Variants in ATAD2 observed in about 807,000 individuals in gnomAD.
ATAD2 encodes the protein ATPase family AAA domain containing 2, also known as ATPase family AAA domain-containing protein 2.
Under a neutral mutation model 168.9 loss-of-function variants are expected in ATAD2, and 62 were observed. The observed-to-expected ratio is 0.37, with a 90% CI of 0.30 to 0.45. The LOEUF (loss-of-function observed/expected upper bound fraction) is 0.45, where lower values mean the gene tolerates loss of function less well. ATAD2 is among the 20% of genes least tolerant of loss of function. The probability of loss-of-function intolerance (pLI) is 1.00; values close to 1 mark genes in which losing one functional copy is unlikely to be tolerated. For synonymous variants in ATAD2, 613 were observed against 571.6 expected (o/e 1.07, Z -1.03); for missense variants, 1,419 against 1,667.8 (o/e 0.85, Z 2.60).
At chr8:123,352,684 T>TA (rs1360947435) in intron 13 of ATAD2, 30 of 123,396 alleles carry the variant, frequency 2.4e-4, no homozygotes, top group Non-Finnish European at 6.6e-5. Context: ...AAATCATACC[T>TA]TTTTTTTTTT....
intron 1 of ATAD2, among the ~76,000 whole-genome samples, chr8:123,406,498 C>T (rs1049175975): frequency 1.3e-5 from 2 of 151,324 alleles, no homozygotes; most frequent in Non-Finnish European, 2.9e-5. Context: ...TTCCTTTATT[C>T]TCTCTTTATA....
In ATAD2 at chr8:123,328,576, T is replaced by G; in HGVS notation, c.3482A>C (p.Gln1161Pro). 6.6e-7 allele frequency: 1 copy of G among 1,518,686 alleles called. No homozygotes were observed. The highest frequency in any genetic ancestry group is 1.4e-5 in the South Asian group (1 of 73,464). The allele number at this position is 1,518,686 out of a possible 1,614,324, so 94.1% of individuals were successfully genotyped here. The change falls in exon 25 of 28, where the codon CAG becomes CCG. Residue 1161 changes from glutamine (Q) to proline (P), a missense_variant. Gln to Pro is a moderately conservative substitution (Grantham distance 76). Around this residue, in one of 5 missense-constraint regions of ATAD2, gnomAD observed 303 missense variants for 304.3 expected, o/e 1.00. Transcript: ENST00000287394. ...STPVACSTPAQLKRKIRKKSN... is the reference protein window; with the variant it reads ...STPVACSTPAPLKRKIRKKSN... ...CTTTTTGCGAATTTTCCTCTTCAAC[T>G]GAGCTTCAAGAAATTTAAAGAAAAA...
At chr8:123,386,678 G>T (rs150031636) in intron 1 of ATAD2, among the ~76,000 whole-genome samples, 1,715 of 151,732 alleles carry the variant, frequency 0.011, 32 homozygotes, top group African/African-American at 0.039. Context: ...TGTATATTTT[G>T]GTACATTAAA....
chr8:123,396,240 G>A lies in ATAD2; in HGVS notation c.118C>T (p.Arg40Cys), dbSNP rs1407585694. 3 of 1,606,272 alleles carry A rather than the reference G, an allele frequency of 1.9e-6. No individual in the cohort carries two copies. Among genetic ancestry groups the A allele is most frequent in the Non-Finnish European group, 1.7e-6 (2 of 1,178,446 alleles). Reference sequence around the variant, plus strand: ...TTCTTCTGCGCCGCGCCGGCCGAGCGGAGCCGCCTCCGGCCGATGTGCTCC... The same window carrying A: ...TTCTTCTGCGCCGCGCCGGCCGAGCAGAGCCGCCTCCGGCCGATGTGCTCC... Reference protein sequence around the residue: ...SLEHIGRRRLRSAGAAQKKPA... With the variant: ...SLEHIGRRRLCSAGAAQKKPA... Residue 40 changes from arginine (R) to cysteine (C), a missense_variant, in exon 1 of 28, where the codon CGC becomes TGC. This residue lies in a region of ATAD2 where 419 missense variants were observed against 423.5 expected (regional missense o/e 0.99). Coordinates refer to ENST00000287394, the MANE Select transcript of ATAD2 (RefSeq NM_014109.4).
intron 1 of ATAD2, among the ~76,000 whole-genome samples, chr8:123,388,358 C>G (rs1358689107): frequency 6.6e-6 from 1 of 152,154 alleles, no homozygotes; most frequent in African/African-American, 2.4e-5. Flanking sequence ...GCCACCACGC[C>G]TGGCTACTGA....
chr8:123,333,818 A>C (rs1827842968), intron 24 of ATAD2, 60 bp downstream of exon 24: 3 of 1,484,064 alleles, frequency 2.0e-6, no homozygotes, highest in Non-Finnish European at 2.7e-6. Context: ...GGAGAAAGTT[A>C]ATGGCATTAG....
At chr8:123,345,102 G>C (rs752893354) in intron 18 of ATAD2, 33 bp from the exon 19 acceptor site, 5 of 1,543,934 alleles carry the variant, frequency 3.2e-6, no homozygotes, top group Non-Finnish European at 2.6e-6. Context: ...AATTCAGTTA[G>C]AGTCAGCACG....
At chr8:123,368,991 C>CTA in intron 8 of ATAD2, 67 bp downstream of exon 8, 1 of 896,154 alleles carries the variant, frequency 1.1e-6, no homozygotes. Flanking sequence ...TCCTGAAAGT[C>CTA]TAGAGTCCAG....
chr8:123,413,146 G>C (rs991865788), intron 1 of ATAD2, among the ~76,000 whole-genome samples: 6 of 151,652 alleles, frequency 4.0e-5, no homozygotes, highest in African/African-American at 1.5e-4. Context: ...ATAACTGCCA[G>C]CTAGCAGACA....
chr8:123,359,306 T>C lies in ATAD2; in HGVS notation c.1297A>G (p.Asn433Asp), dbSNP rs200411614. 459 of 1,611,682 alleles carry C rather than the reference T, an allele frequency of 2.8e-4. 7 individuals carry two copies. The highest frequency in any genetic ancestry group is 3.6e-5 in the Non-Finnish European group (42 of 1,179,132). The change falls in exon 11 of 28, where the codon AAT becomes GAT. Residue 433 changes from asparagine (N) to aspartate (D), a missense_variant. This residue lies in a region of ATAD2 where 146 missense variants were observed against 188.3 expected (regional missense o/e 0.78). Coordinates refer to ENST00000287394, the MANE Select transcript of ATAD2 (RefSeq NM_014109.4). ...VRFDSVGGLS[N>D]HIAALKEMVV... ...ATCTCTTTTAGAGCTGCTATATGAT[T>C]AGACAGGCCACCAACACTATCAAAT...
intron 16 of ATAD2, 98 bp from the exon 17 acceptor site, chr8:123,346,848 T>C (rs1828260106): frequency 7.7e-7 from 1 of 1,300,200 alleles, no homozygotes; most frequent in Non-Finnish European, 1.1e-6. Context: ...TTAAATTTTT[T>C]CAAAGAATCA....
chr8:123,409,994 A>T (rs1286702074), intron 1 of ATAD2, among the ~76,000 whole-genome samples: 1 of 149,824 alleles, frequency 6.7e-6, no homozygotes, highest in East Asian at 2.0e-4. Context: ...AAAAAGCTTT[A>T]AAAAAAACCT....
chr8:123,370,775 G>T, intron 6 of ATAD2, 128 bp downstream of exon 6: 1 of 649,832 alleles, frequency 1.5e-6, no homozygotes. Context: ...CCACTTTTAA[G>T]TTACCAATCC....
intron 12 of ATAD2, among the ~76,000 whole-genome samples, 175 bp from the exon 13 acceptor site, chr8:123,356,652 A>G (rs1162721647): frequency 7.0e-6 from 1 of 143,438 alleles, no homozygotes; most frequent in South Asian, 2.2e-4. Flanking sequence ...TTTATATATA[A>G]TTTTTTTTTT....
At chr8:123,377,520 T>C (rs935870326) in intron 2 of ATAD2, among the ~76,000 whole-genome samples, 4 of 152,154 alleles carry the variant, frequency 2.6e-5, no homozygotes, top group Non-Finnish European at 4.4e-5. Context: ...CCAAACTAAA[T>C]AGAAGTTCAT....
In ATAD2 at chr8:123,371,221, G is replaced by A. The variant is rs541976365; in HGVS notation, c.639+15C>T. 2 of 1,567,984 alleles carry A rather than the reference G, an allele frequency of 1.3e-6. No individual in the cohort carries two copies. The highest frequency in any genetic ancestry group is 1.7e-6 in the Non-Finnish European group (2 of 1,151,248). On this transcript the variant is annotated intron_variant, in intron 5 of 27. Coordinates refer to ENST00000287394, the MANE Select transcript of ATAD2 (RefSeq NM_014109.4). The stretch of plus-strand genomic sequence containing the variant: ...TGGATATTAAATCATTCCCTTAATG[G>A]AAGAATATATTTACTTCTTCTGTTT...
At chr8:123,346,536 CTTTTTATT>C in intron 17 of ATAD2, 74 bp downstream of exon 17, 1 of 1,311,042 alleles carries the variant, frequency 7.6e-7, no homozygotes, top group Non-Finnish European at 1.0e-6. Context: ...TTGGTTAGCA[CTTTTTATT>C]TTTTCAACCA....
rs762773090 is a variant in ATAD2 at position 123,402,458 on chromosome 8, C to T, written c.-2281-1283G>A. 4.6e-5 allele frequency among the ~76,000 whole-genome samples: 7 copies of T among 152,148 alleles called. No individual in the cohort carries two copies. Among genetic ancestry groups the T allele is most frequent in the Non-Finnish European group, 7.4e-5 (5 of 67,996 alleles). Reference sequence around the variant, plus strand: ...CTTCTCCTGTAGGGCACTTCCCTGCCCCCAGTCCCCCAGGAAATGGTGCTC... The same window carrying T: ...CTTCTCCTGTAGGGCACTTCCCTGCTCCCAGTCCCCCAGGAAATGGTGCTC... On this transcript the variant is annotated intron_variant, in intron 1 of 28. Coordinates refer to the ATAD2 transcript ENST00000521903. The surrounding 1 kb of genome is among the most constrained non-coding windows in gnomAD (Gnocchi z 4.8).
At chr8:123,395,884 C>A (rs905730029) in intron 1 of ATAD2, among the ~76,000 whole-genome samples, 3 of 152,150 alleles carry the variant, frequency 2.0e-5, no homozygotes, top group Admixed American at 6.5e-5. Flanking sequence ...GGGGGTCGTG[C>A]GGGCGGCCGA....
Sources: gnomAD v4.1 joint callset for allele counts (sites outside exome capture counted in the v4.1 genomes callset) on GRCh38, gnomAD v4.1.1 for gene constraint, gnomAD v4.1.1 regional missense constraint, Gnocchi (gnomAD v3.1) non-coding constraint, MANE v1.5 for transcripts, NCBI Gene and HGNC (gene_info 2026-07-23, HGNC 2026-07-21) for gene names.